Variants in KAT2B observed in about 807,000 individuals in gnomAD.
The protein encoded by KAT2B is histone acetyltransferase KAT2B.
KAT2B carries 36 observed loss-of-function variants against 105.9 expected under a neutral mutation model. The ratio of observed to expected loss-of-function variants is 0.34; its 90% CI spans 0.26 to 0.45. The LOEUF is 0.45. KAT2B is among the 20% of genes least tolerant of loss of function. The probability of loss-of-function intolerance (pLI) is 1.00; values close to 1 mark genes in which losing one functional copy is unlikely to be tolerated. For synonymous variants in KAT2B, 397 were observed against 377.9 expected, an observed-to-expected ratio of 1.05 and a Z score of -0.59; for missense variants, 820 against 1,021.6, an observed-to-expected ratio of 0.80 and a Z score of 2.69.
chr3:20,139,217 A>ACTT (rs10634874), intron 12 of KAT2B, among the ~76,000 whole-genome samples: 55,167 of 150,548 alleles, frequency 0.37, 11,381 homozygotes, highest in East Asian at 0.62. Context: ...ACCCAGCCAG[A>ACTT]CTTCTTTTTT....
intron 2 of KAT2B, among the ~76,000 whole-genome samples, chr3:20,093,325 C>T (rs1199134239): frequency 6.6e-6 from 1 of 152,100 alleles, no homozygotes; most frequent in Non-Finnish European, 1.5e-5. Flanking sequence ...GAACACTTAC[C>T]TCAGAGTTAT....
Position 20,126,123 on chromosome 3 carries a change from A to G in KAT2B, c.1622+10A>G. 1 of 1,573,810 alleles carries G rather than the reference A, an allele frequency of 6.4e-7. No individual in the cohort carries two copies. Among genetic ancestry groups the G allele is most frequent in the Non-Finnish European group, 8.6e-7 (1 of 1,157,030 alleles). ...GGCTCGTCTTTGACCCGTAAGTGGTACTTTCTGTTCCTTCTTCCTTATTTC... is the reference window on the plus strand; with the variant it reads ...GGCTCGTCTTTGACCCGTAAGTGGTGCTTTCTGTTCCTTCTTCCTTATTTC... On this transcript the variant is annotated intron_variant, in intron 10 of 17. Coordinates refer to ENST00000263754, the MANE Select transcript of KAT2B (RefSeq NM_003884.5).
chr3:20,126,278 G>C (rs1699402196), intron 10 of KAT2B, among the ~76,000 whole-genome samples, 165 bp downstream of exon 10: 1 of 152,166 alleles, frequency 6.6e-6, no homozygotes, highest in South Asian at 2.1e-4. Context: ...AAAGTGCTAA[G>C]AGTAATTTTC....
At chr3:20,056,122 A>G (rs1165967317) in intron 1 of KAT2B, among the ~76,000 whole-genome samples, 1 of 152,184 alleles carries the variant, frequency 6.6e-6, no homozygotes, top group Non-Finnish European at 1.5e-5. Context: ...AGAATAAAGT[A>G]TATGAGAGAA....
chr3:20,149,583 T>G (rs1699837565), intron 17 of KAT2B, among the ~76,000 whole-genome samples: 1 of 150,090 alleles, frequency 6.7e-6, no homozygotes, highest in Non-Finnish European at 1.5e-5. Flanking sequence ...CCTTGAAAAC[T>G]GAGTTATTTA....
At chr3:20,058,381 G>C (rs1698037073) in intron 1 of KAT2B, among the ~76,000 whole-genome samples, 2 of 151,026 alleles carry the variant, frequency 1.3e-5, no homozygotes, top group African/African-American at 4.9e-5. Flanking sequence ...CTTGAACCTG[G>C]GAGGCGGACA....
chr3:20,043,355 G>A (rs75154183), intron 1 of KAT2B, among the ~76,000 whole-genome samples: 23,829 of 152,180 alleles, frequency 0.16, 2,006 homozygotes, highest in Non-Finnish European at 0.19. Flanking sequence ...GTGCATGTGT[G>A]TGTATGCATG....
chr3:20,129,576 A>G (rs1373212988), intron 11 of KAT2B, among the ~76,000 whole-genome samples: 1 of 151,906 alleles, frequency 6.6e-6, no homozygotes, highest in East Asian at 1.9e-4. Context: ...AGGTTTCGCC[A>G]TGTTGGCCAG....
chr3:20,101,640 A>G (rs1026553271), intron 5 of KAT2B, among the ~76,000 whole-genome samples, 172 bp downstream of exon 5: 3 of 152,176 alleles, frequency 2.0e-5, no homozygotes, highest in Non-Finnish European at 2.9e-5. Context: ...TGCTATCATA[A>G]TATGTTGAGG....
chr3:20,067,556 C>T (rs914263552), intron 1 of KAT2B, among the ~76,000 whole-genome samples: 1 of 152,122 alleles, frequency 6.6e-6, no homozygotes, highest in African/African-American at 2.4e-5. Context: ...GTTGTCTTCT[C>T]CAAGAATTTA....
intron 2 of KAT2B, among the ~76,000 whole-genome samples, chr3:20,085,641 G>T (rs1384459253): frequency 5.3e-5 from 8 of 151,464 alleles, no homozygotes; most frequent in African/African-American, 1.9e-4. Context: ...CTCCCGAGTC[G>T]CTGGGACTAC....
intron 3 of KAT2B, among the ~76,000 whole-genome samples, chr3:20,097,271 C>T (rs1035699759): frequency 3.3e-5 from 5 of 152,170 alleles, no homozygotes; most frequent in African/African-American, 1.2e-4. Flanking sequence ...ATCCTGTCAG[C>T]CTCTATTTAG....
At position 20,107,628 on chromosome 3, in the gene KAT2B, G is replaced by A. The variant is rs1209700745; in HGVS notation, c.852-3968G>A. ...GTCGAGATCATGCCATTGCCCTCCA[G>A]CCTGGGGCACAGAGCAATACTATGT... is the stretch of plus-strand genomic sequence containing the variant. On this transcript the variant is annotated intron_variant, in intron 5 of 17. Coordinates refer to ENST00000263754, the MANE Select transcript of KAT2B (RefSeq NM_003884.5). Among the ~76,000 whole-genome samples the A allele has an allele frequency of 2.1e-5, 3 of 141,038 alleles. No homozygotes were observed. In the East Asian group the frequency reaches 6.3e-4, roughly 30 times the overall value. 92.5% of individuals were successfully genotyped at this position (141,038 alleles called of 152,430 possible).
chr3:20,125,045 C>G (rs534775829), intron 9 of KAT2B, among the ~76,000 whole-genome samples: 1 of 152,048 alleles, frequency 6.6e-6, no homozygotes, highest in Admixed American at 6.6e-5. Context: ...TACATGAGGC[C>G]GGGCGCGGTG....
At chr3:20,149,662 A>G (rs1390529812) in intron 17 of KAT2B, among the ~76,000 whole-genome samples, 2 of 152,106 alleles carry the variant, frequency 1.3e-5, no homozygotes, top group Non-Finnish European at 2.9e-5. Context: ...TGATTTCAGT[A>G]GCCTACACCC....
intron 13 of KAT2B, among the ~76,000 whole-genome samples, chr3:20,142,906 C>T (rs931014047): frequency 2.2e-5 from 3 of 137,936 alleles, no homozygotes; most frequent in Admixed American, 1.4e-4. Flanking sequence ...TGTGTGTGTA[C>T]GTACATATAC....
chr3:20,147,231 C>A (rs1699795877), intron 14 of KAT2B, among the ~76,000 whole-genome samples: 1 of 152,120 alleles, frequency 6.6e-6, no homozygotes, highest in South Asian at 2.1e-4. Flanking sequence ...ATTACATGTG[C>A]CCTCTGGCAG....
intron 13 of KAT2B, 149 bp from the exon 14 acceptor site, chr3:20,146,167 C>T: frequency 1.7e-6 from 1 of 605,536 alleles, no homozygotes; most frequent in Non-Finnish European, 3.0e-6. Flanking sequence ...CTGTTCATTT[C>T]TTACTTGTTA....
At chr3:20,069,091 C>T (rs1559517185) in intron 1 of KAT2B, among the ~76,000 whole-genome samples, 1 of 152,072 alleles carries the variant, frequency 6.6e-6, no homozygotes, top group Non-Finnish European at 1.5e-5. Flanking sequence ...GTCAGACTAA[C>T]AGAATACATT....
Sources: allele counts gnomAD v4.1 joint callset (sites outside exome capture counted in the v4.1 genomes callset), GRCh38; gene constraint gnomAD v4.1.1; transcripts MANE v1.5; gene names NCBI Gene and HGNC (gene_info 2026-07-23, HGNC 2026-07-21).